Variants in STARD8 observed in about 807,000 individuals in gnomAD.
The protein encoded by STARD8 is StAR related lipid transfer domain containing 8.
In STARD8, 25 loss-of-function variants were observed where a neutral mutation model predicts 69.4. That is an observed-to-expected ratio of 0.36 (90% CI 0.26 to 0.50). STARD8 has a LOEUF of 0.50. Ranked by LOEUF, STARD8 falls within the 20% of genes least tolerant of loss-of-function variation. The pLI is 0.96. For missense variants in STARD8, 921 were observed against 932.5 expected, an observed-to-expected ratio of 0.99 and a Z score of 0.16; for synonymous variants, 389 against 374.6, an observed-to-expected ratio of 1.04 and a Z score of -0.45.
At chrX:68,679,873 GGGTT>G (rs2079790379) in intron 2 of STARD8, among the ~76,000 whole-genome samples, 1 of 111,839 alleles carries the variant, frequency 8.9e-6, no homozygotes, top group Non-Finnish European at 1.9e-5. Context: ...TTCTCCTCCA[GGGTT>G]CTGGGATGGC....
intron 1 of STARD8, 30 bp from the exon 2 acceptor site, chrX:68,665,469 G>A (rs1453246174): frequency 1.7e-6 from 2 of 1,199,478 alleles, no homozygotes; most frequent in Non-Finnish European, 2.2e-6. Flanking sequence ...TCTCTGCAAT[G>A]CCTTGACTTC....
chrX:68,656,654 C>T (rs1403311776), intron 1 of STARD8: 1 of 111,757 alleles, frequency 8.9e-6, no homozygotes, highest in African/African-American at 3.3e-5. Context: ...GGCACCTATA[C>T]ACACCATGGA....
chrX:68,674,293 CAAA>C (rs60245351), intron 2 of STARD8, among the ~76,000 whole-genome samples: 721 of 35,636 alleles, frequency 0.02, 14 homozygotes, highest in African/African-American at 0.05. Context: ...AACTCCGTCT[CAAA>C]AAAAAAAAAA....
chrX:68,684,940 C>T (rs1234498769), intron 2 of STARD8, among the ~76,000 whole-genome samples: 1 of 112,335 alleles, frequency 8.9e-6, no homozygotes, highest in Non-Finnish European at 1.9e-5. Flanking sequence ...CTGCTATGTG[C>T]CACCATTGCC....
intron 7 of STARD8, 35 bp from the exon 8 acceptor site, chrX:68,720,229 C>G: frequency 1.7e-6 from 2 of 1,161,892 alleles, no homozygotes; most frequent in Non-Finnish European, 2.3e-6. Context: ...AAACTGTGTT[C>G]CCCCTATCTG....
intron 2 of STARD8, among the ~76,000 whole-genome samples, chrX:68,675,743 T>G (rs775078389): frequency 3.5e-4 from 39 of 111,437 alleles, no homozygotes; most frequent in Non-Finnish European, 7.0e-4. Context: ...AGAGGGGAAC[T>G]TGGGGTGGAG....
At chrX:68,704,227 G>C (rs2079988250) in intron 2 of STARD8, among the ~76,000 whole-genome samples, 3 of 112,130 alleles carry the variant, frequency 2.7e-5, no homozygotes, top group Non-Finnish European at 5.6e-5. Flanking sequence ...GAGCCACTGG[G>C]TGTTAGGGGG....
chrX:68,693,936 G>A (rs1218376376), intron 2 of STARD8: 2 of 559,478 alleles, frequency 3.6e-6, no homozygotes, highest in African/African-American at 2.5e-5. Flanking sequence ...TTCTCCTAGC[G>A]GTTCCGCCGG....
In STARD8 at chrX:68,709,455, T is replaced by G. The variant is rs181907444; in HGVS notation, c.80-3459T>G. Among the ~76,000 whole-genome samples the G allele has an allele frequency of 8.9e-5, 10 of 112,123 alleles. No homozygotes were observed. In the East Asian group the frequency reaches 2.2e-3, roughly 25 times the overall value. On this transcript the variant is annotated intron_variant, in intron 2 of 14. Transcript: ENST00000374599. ...AACACATTTGTTGAGTGCTTGGTAT[T>G]ATGTGCCAGGGGCTTTTACTTTCTG...
intron 1 of STARD8, among the ~76,000 whole-genome samples, chrX:68,653,069 CCA>C (rs2079570746): frequency 6.5e-5 from 2 of 30,994 alleles, no homozygotes; most frequent in Admixed American, 4.7e-4. Flanking sequence ...ACACCACACA[CCA>C]CACACACACC....
chrX:68,669,448 C>G (rs1049486304), intron 2 of STARD8, among the ~76,000 whole-genome samples: 2 of 112,129 alleles, frequency 1.8e-5, no homozygotes, highest in Admixed American at 1.9e-4. Flanking sequence ...CCCCACACTC[C>G]GCGGAGCTCA....
At chrX:68,700,910 AGTT>A (rs1245779316) in intron 2 of STARD8, among the ~76,000 whole-genome samples, 1 of 112,164 alleles carries the variant, frequency 8.9e-6, no homozygotes, top group African/African-American at 3.2e-5. Flanking sequence ...CACCTCATGG[AGTT>A]GTTGAATATT....
At position 68,689,704 on chromosome X, in the gene STARD8, C is replaced by T. The variant is rs544422890; in HGVS notation, c.80-23210C>T. ...GCTCCAGAGTCCCTCACTGCCAGCC[C>T]AGGGCTCTGAGCTCAGCACAGAGCT... On this transcript the variant is annotated intron_variant, in intron 2 of 14. Transcript: ENST00000374599. 3.6e-5 allele frequency among the ~76,000 whole-genome samples: 4 copies of T among 112,067 alleles called. No individual in the cohort carries two copies. The South Asian group carries it at 1.5e-3, about 42-fold the overall frequency.
chrX:68,658,013 T>C (rs979675488), intron 1 of STARD8, among the ~76,000 whole-genome samples: 1 of 109,598 alleles, frequency 9.1e-6, no homozygotes, highest in Non-Finnish European at 1.9e-5. Context: ...ATGGTGGAGG[T>C]TGGGGGAGGC....
intron 2 of STARD8, among the ~76,000 whole-genome samples, chrX:68,684,494 G>A (rs745776184): frequency 1.3e-4 from 15 of 112,917 alleles, no homozygotes; most frequent in East Asian, 5.6e-4. Context: ...CCGCCCAACC[G>A]GAGAGCAAAA....
At chrX:68,694,459 G>T (rs2147906461) in intron 2 of STARD8, among the ~76,000 whole-genome samples, 1 of 112,154 alleles carries the variant, frequency 8.9e-6, no homozygotes, top group Admixed American at 9.4e-5. Flanking sequence ...TTTAGTGGAA[G>T]TTTTTGGAAT....
At chrX:68,693,554 G>A (rs2079892904) in intron 2 of STARD8, 1 of 668,903 alleles carries the variant, frequency 1.5e-6, no homozygotes, top group African/African-American at 2.4e-5. Flanking sequence ...GGCGAGTCCG[G>A]TGGGCCAGAC....
intron 2 of STARD8, among the ~76,000 whole-genome samples, chrX:68,683,644 CTAG>C (rs2079813389): frequency 1.8e-5 from 2 of 112,218 alleles, no homozygotes; most frequent in African/African-American, 6.5e-5. Context: ...AGGATGCATA[CTAG>C]AGTTAACTGA....
At chrX:68,706,645 C>T (rs995911480) in intron 2 of STARD8, among the ~76,000 whole-genome samples, 2 of 112,798 alleles carry the variant, frequency 1.8e-5, no homozygotes, top group Non-Finnish European at 3.8e-5. Context: ...GAAACAGTGC[C>T]CCTGAGGGAT....
Sources: gnomAD v4.1 joint callset for allele counts (sites outside exome capture counted in the v4.1 genomes callset) on GRCh38, gnomAD v4.1.1 for gene constraint, MANE v1.5 for transcripts, NCBI Gene and HGNC (gene_info 2026-07-23, HGNC 2026-07-21) for gene names.